The following ACTR3C variants were observed in gnomAD, a reference collection of about 807,000 sequenced individuals.
ACTR3C encodes the protein actin-related protein 3C.
ACTR3C carries 18 observed loss-of-function variants against 26.3 expected under a neutral mutation model. The ratio of observed to expected loss-of-function variants is 0.68; its 90% CI spans 0.47 to 1.01. ACTR3C has a LOEUF of 1.01. Ranked by LOEUF, ACTR3C falls within the 50% of genes least tolerant of loss-of-function variation. The pLI, the probability that ACTR3C is intolerant of heterozygous loss-of-function variation, is 0.00. For missense variants in ACTR3C, 184 were observed against 250.7 expected, an observed-to-expected ratio of 0.73 and a Z score of 1.80; for synonymous variants, 55 against 94.5, an observed-to-expected ratio of 0.58 and a Z score of 2.42.
the ACTR3C span, among the ~76,000 whole-genome samples, chr7:150,179,367 G>A: frequency 2.9e-5 from 4 of 137,322 alleles, no homozygotes; most frequent in East Asian, 2.1e-4. Context: ...AGAGGTTCCC[G>A]TAAGAAATAC....
intron 1 of ACTR3C, among the ~76,000 whole-genome samples, chr7:150,313,839 C>T (rs906227101): frequency 6.6e-6 from 1 of 152,182 alleles, no homozygotes; most frequent in Admixed American, 6.5e-5. Flanking sequence ...TTGGCAGCTA[C>T]CTGGAGACCT....
the ACTR3C span, among the ~76,000 whole-genome samples, chr7:150,150,963 A>G: frequency 1.5e-5 from 2 of 137,462 alleles, no homozygotes; most frequent in African/African-American, 5.0e-5. Context: ...ATATATTAAC[A>G]TAGGAAATTT....
At chr7:149,904,871 C>T in the ACTR3C span, among the ~76,000 whole-genome samples, 1 of 150,620 alleles carries the variant, frequency 6.6e-6, no homozygotes, top group Non-Finnish European at 1.5e-5. Flanking sequence ...ACTAAAAATA[C>T]AAAAATTAGC....
At chr7:150,247,846 G>T (rs944818752) in intron 7 of ACTR3C, 1 of 151,632 alleles carries the variant, frequency 6.6e-6, no homozygotes, top group Non-Finnish European at 1.5e-5. Flanking sequence ...CCACTCTTTT[G>T]TTCTTGCTTT....
chr7:150,207,862 C>T, the ACTR3C span, among the ~76,000 whole-genome samples: 1 of 150,262 alleles, frequency 6.7e-6, no homozygotes, highest in East Asian at 1.9e-4. Flanking sequence ...TAAAATTTAG[C>T]CTAATTTAAA....
chr7:150,075,893 AT>A, the ACTR3C span, among the ~76,000 whole-genome samples: 1 of 152,142 alleles, frequency 6.6e-6, no homozygotes, highest in Non-Finnish European at 1.5e-5. Flanking sequence ...TCTCACACTC[AT>A]GGGGAGACGA....
chr7:150,258,119 A>G lies in ACTR3C; in HGVS notation c.565-9065T>C, dbSNP rs544183086. Among the ~76,000 whole-genome samples, 60 of 152,180 alleles carry G rather than the reference A, an allele frequency of 3.9e-4. 1 individual carries two copies. In the East Asian group the frequency reaches 8.5e-3, roughly 22 times the overall value. On this transcript the variant is annotated intron_variant, in intron 6 of 7. Coordinates refer to ENST00000683684, the MANE Select transcript of ACTR3C (RefSeq NM_001164458.2). Reference sequence around the variant, plus strand: ...GCTGCTTAACATCTATAACTAGGAAAAAAAGTTAGAACGGAGTATCAGAAA... The same window carrying G: ...GCTGCTTAACATCTATAACTAGGAAGAAAAGTTAGAACGGAGTATCAGAAA...
At chr7:149,974,839 A>G in the ACTR3C span, among the ~76,000 whole-genome samples, 2 of 152,046 alleles carry the variant, frequency 1.3e-5, no homozygotes, top group Non-Finnish European at 2.9e-5. Context: ...ATTTTCAGTA[A>G]TTACTATAAT....
chr7:149,909,193 C>T, the ACTR3C span, among the ~76,000 whole-genome samples: 97 of 150,930 alleles, frequency 6.4e-4, 1 homozygote, highest in South Asian at 0.018. Flanking sequence ...TATTCTCTAC[C>T]GATTAAAACT....
the ACTR3C span, among the ~76,000 whole-genome samples, chr7:149,975,837 C>T: frequency 2.0e-5 from 3 of 152,170 alleles, no homozygotes; most frequent in Non-Finnish European, 2.9e-5. Context: ...GTCACAAGAA[C>T]AGCATGGGGG....
the ACTR3C span, among the ~76,000 whole-genome samples, chr7:150,212,810 A>C: frequency 3.3e-5 from 5 of 152,050 alleles, no homozygotes; most frequent in African/African-American, 1.2e-4. Context: ...GATGAACCAC[A>C]AAACAGCCTC....
the ACTR3C span, among the ~76,000 whole-genome samples, chr7:150,216,237 C>A: frequency 1.3e-5 from 2 of 152,150 alleles, no homozygotes; most frequent in African/African-American, 4.8e-5. Flanking sequence ...TTTTCAGGAC[C>A]TATATCCATG....
At chr7:150,077,594 T>A in the ACTR3C span, among the ~76,000 whole-genome samples, 1 of 152,126 alleles carries the variant, frequency 6.6e-6, no homozygotes, top group Non-Finnish European at 1.5e-5. Flanking sequence ...TCATCCTAGC[T>A]TACACTCAGG....
At chr7:150,085,229 T>C in the ACTR3C span, among the ~76,000 whole-genome samples, 1 of 152,156 alleles carries the variant, frequency 6.6e-6, no homozygotes, top group South Asian at 2.1e-4. Context: ...AGATAAGGCT[T>C]GACATGTAAA....
chr7:150,049,055 C>T, the ACTR3C span, among the ~76,000 whole-genome samples: 26 of 152,226 alleles, frequency 1.7e-4, no homozygotes, highest in East Asian at 4.5e-3. Context: ...CTGTGCCCGC[C>T]GAGAGCGAGG....
chr7:150,068,807 A>G, the ACTR3C span, among the ~76,000 whole-genome samples: 1 of 142,518 alleles, frequency 7.0e-6, no homozygotes, highest in Admixed American at 7.2e-5. Flanking sequence ...AAAAAACCAA[A>G]AAAAGGAAAA....
At chr7:149,928,507 C>T in the ACTR3C span, among the ~76,000 whole-genome samples, 3 of 151,262 alleles carry the variant, frequency 2.0e-5, no homozygotes, top group Non-Finnish European at 2.9e-5. Flanking sequence ...GTGTGAGCCA[C>T]TGCGCCTGGC....
the ACTR3C span, among the ~76,000 whole-genome samples, chr7:150,034,777 G>C: frequency 1.1e-4 from 16 of 148,276 alleles, no homozygotes; most frequent in Non-Finnish European, 1.7e-4. Flanking sequence ...CCTAAGCCAG[G>C]GGGGGAAGAG....
chr7:150,148,405 A>C, the ACTR3C span, among the ~76,000 whole-genome samples: 1 of 152,058 alleles, frequency 6.6e-6, no homozygotes, highest in Non-Finnish European at 1.5e-5. Context: ...TGCACCCGGG[A>C]GGCAGAGGTT....
Sources: allele counts gnomAD v4.1 joint callset (sites outside exome capture counted in the v4.1 genomes callset), GRCh38; gene constraint gnomAD v4.1.1; transcripts MANE v1.5; gene names NCBI Gene and HGNC (gene_info 2026-07-23, HGNC 2026-07-21).